LAMA4: variants seen among roughly 807,000 people sequenced by gnomAD.
LAMA4 encodes the protein laminin subunit alpha-4.
LAMA4 carries 127 observed loss-of-function variants against 207.1 expected under a neutral mutation model. The ratio of observed to expected loss-of-function variants is 0.61; its 90% CI spans 0.53 to 0.71. The LOEUF (loss-of-function observed/expected upper bound fraction) is 0.71, where lower values mean the gene tolerates loss of function less well. Among genes scored for constraint, LAMA4 ranks in the 30% least tolerant of loss-of-function variants. The pLI, the probability that LAMA4 is intolerant of heterozygous loss-of-function variation, is 0.00. For missense variants in LAMA4, 2,093 were observed against 2,246.5 expected (o/e 0.93, Z 1.38); for synonymous variants, 761 against 816.0 (o/e 0.93, Z 1.15).
intron 27 of LAMA4, 74 bp downstream of exon 27, chr6:112,133,275 A>C (rs1303892463): frequency 1.3e-6 from 2 of 1,522,082 alleles, no homozygotes; most frequent in South Asian, 1.1e-5. Context: ...AGAGAAGCTG[A>C]AAAGAACTTT....
intron 10 of LAMA4, among the ~76,000 whole-genome samples, chr6:112,175,715 C>G (rs567038830): frequency 1.3e-5 from 2 of 152,200 alleles, no homozygotes; most frequent in Admixed American, 6.5e-5. Context: ...GCTTCCCATG[C>G]GGGGTCTTCA....
At chr6:112,165,018 C>T in intron 13 of LAMA4, 142 bp downstream of exon 13, 5 of 726,156 alleles carry the variant, frequency 6.9e-6, no homozygotes, top group Middle Eastern at 7.3e-4. Flanking sequence ...TCGTACAGTG[C>T]AAGAAACTAA....
chr6:112,177,185 T>C (rs1782072732), intron 10 of LAMA4, among the ~76,000 whole-genome samples: 1 of 152,194 alleles, frequency 6.6e-6, no homozygotes, highest in Admixed American at 6.5e-5. Flanking sequence ...GTGAGGAGTG[T>C]TTGGATTGCA....
intron 35 of LAMA4, among the ~76,000 whole-genome samples, chr6:112,116,819 T>A (rs1554324066): frequency 6.6e-6 from 1 of 152,202 alleles, no homozygotes; most frequent in Non-Finnish European, 1.5e-5. Context: ...CTGTCCAAAC[T>A]GTTAAGAGTT....
At chr6:112,139,988 C>T in intron 22 of LAMA4, 103 bp from the exon 23 acceptor site, 3 of 1,146,496 alleles carry the variant, frequency 2.6e-6, no homozygotes, top group Non-Finnish European at 3.9e-6. Flanking sequence ...AGACCTACCC[C>T]TTTGTGGAAA....
chr6:112,253,791 C>G (rs1554190356), intron 2 of LAMA4, 165 bp downstream of exon 2: 1 of 1,614,210 alleles, frequency 6.2e-7, no homozygotes, highest in Admixed American at 1.7e-5. Flanking sequence ...ATGCAACTTA[C>G]AAAGGAAAAC....
chr6:112,216,758 G>C (rs1784649155), intron 2 of LAMA4: 1 of 404,510 alleles, frequency 2.5e-6, no homozygotes, highest in Non-Finnish European at 4.6e-6. Context: ...AGAATAAGAA[G>C]GTATTACGTA....
At chr6:112,218,488 G>C (rs1276542648) in intron 2 of LAMA4, 1 of 152,152 alleles carries the variant, frequency 6.6e-6, no homozygotes, top group Non-Finnish European at 1.5e-5. Flanking sequence ...TTTGGACAAG[G>C]ACAGCAAACT....
At chr6:112,132,047 C>A (rs1779065655) in intron 28 of LAMA4, among the ~76,000 whole-genome samples, 1 of 152,082 alleles carries the variant, frequency 6.6e-6, no homozygotes, top group Non-Finnish European at 1.5e-5. Context: ...AATTAAATCA[C>A]AAATGTGTTT....
At chr6:112,228,858 T>C (rs1179912234) in intron 2 of LAMA4, among the ~76,000 whole-genome samples, 1 of 152,140 alleles carries the variant, frequency 6.6e-6, no homozygotes, top group East Asian at 1.9e-4. Context: ...CAGGGGCAGA[T>C]TCTGGATCTG....
chr6:112,185,094 G>A, intron 9 of LAMA4, 143 bp downstream of exon 9: 1 of 720,982 alleles, frequency 1.4e-6, no homozygotes. Context: ...CACAGGTCTG[G>A]TCTTGATTTA....
At chr6:112,181,210 T>C in intron 9 of LAMA4, among the ~76,000 whole-genome samples, 1 of 152,244 alleles carries the variant, frequency 6.6e-6, no homozygotes, top group Non-Finnish European at 1.5e-5. Context: ...CTCTCTTCTC[T>C]AGACCACTGT....
At chr6:112,213,611 T>TA (rs370427819) in intron 3 of LAMA4, 29 of 157,370 alleles carry the variant, frequency 1.8e-4, no homozygotes, top group East Asian at 3.6e-4. Context: ...GTTCCACCAG[T>TA]AAAAAAAAAT....
At chr6:112,131,458 T>C (rs887599310) in intron 28 of LAMA4, among the ~76,000 whole-genome samples, 5 of 152,170 alleles carry the variant, frequency 3.3e-5, no homozygotes, top group South Asian at 4.1e-4. Context: ...TGTAGCTAGA[T>C]GACTAGGCAA....
rs574733672 is a variant in LAMA4 at position 112,156,699 on chromosome 6, G to C, written c.1818-993C>G. ...CTTCCAGAAGGTCCTCCGTGACCCA[G>C]TATATGACATTGCAGATCCCACACT... On this transcript the variant is annotated intron_variant, in intron 14 of 38. Transcript: ENST00000230538. 2.0e-5 allele frequency among the ~76,000 whole-genome samples: 3 copies of C among 152,174 alleles called. No individual in the cohort carries two copies. In the East Asian group the frequency reaches 5.8e-4, roughly 29 times the overall value.
intron 13 of LAMA4, 99 bp downstream of exon 13, chr6:112,165,061 C>T: frequency 1.3e-6 from 1 of 791,648 alleles, no homozygotes; most frequent in South Asian, 1.4e-5. Context: ...ATAATGCCTG[C>T]TCACTGGTTA....
At chr6:112,240,622 G>A (rs1554187456) in intron 2 of LAMA4, among the ~76,000 whole-genome samples, 1 of 152,048 alleles carries the variant, frequency 6.6e-6, no homozygotes, top group Non-Finnish European at 1.5e-5. Context: ...TTGATTTTTA[G>A]ATCCCACAAA....
At chr6:112,153,338 T>G (rs1292037897) in intron 16 of LAMA4, among the ~76,000 whole-genome samples, 3 of 152,148 alleles carry the variant, frequency 2.0e-5, no homozygotes, top group Non-Finnish European at 4.4e-5. Context: ...TATAAAGTTC[T>G]AAGCCACACA....
At chr6:112,114,235 A>G in intron 37 of LAMA4, 40 bp from the exon 38 acceptor site, 1 of 1,594,354 alleles carries the variant, frequency 6.3e-7, no homozygotes, top group Non-Finnish European at 8.6e-7. Flanking sequence ...GTGGCACTGG[A>G]GTGATGAATT....
Sources: gnomAD v4.1 joint callset for allele counts (sites outside exome capture counted in the v4.1 genomes callset) on GRCh38, gnomAD v4.1.1 for gene constraint, MANE v1.5 for transcripts, NCBI Gene and HGNC (gene_info 2026-07-23, HGNC 2026-07-21) for gene names.